The following PTCHD4 variants were observed in gnomAD, a reference collection of about 807,000 sequenced individuals.
PTCHD4 encodes the protein patched domain containing 4.
PTCHD4 carries 33 observed loss-of-function variants against 58.1 expected under a neutral mutation model. The observed-to-expected ratio is 0.57, with a 90% CI of 0.43 to 0.76. The LOEUF is 0.76. Among genes scored for constraint, PTCHD4 ranks in the 30% least tolerant of loss-of-function variants. PTCHD4 has a pLI of 0.00. For synonymous variants in PTCHD4, 478 were observed against 409.6 expected, an observed-to-expected ratio of 1.17 and a Z score of -2.02; for missense variants, 1,058 against 1,027.1, an observed-to-expected ratio of 1.03 and a Z score of -0.41.
chr6:47,962,402 G>T (rs374449909), intron 4 of PTCHD4, among the ~76,000 whole-genome samples: 14 of 152,220 alleles, frequency 9.2e-5, no homozygotes, highest in East Asian at 5.8e-4. Flanking sequence ...ATATGGTTTG[G>T]TTTTGTGTCC....
chr6:48,097,632 T>C (rs1765501848), intron 1 of PTCHD4, among the ~76,000 whole-genome samples: 1 of 152,182 alleles, frequency 6.6e-6, no homozygotes, highest in South Asian at 2.1e-4. Context: ...CACTGACCAA[T>C]TACTCTATGT....
chr6:47,905,131 G>A (rs1764837595), intron 4 of PTCHD4, among the ~76,000 whole-genome samples: 1 of 151,274 alleles, frequency 6.6e-6, no homozygotes, highest in Non-Finnish European at 1.5e-5. Flanking sequence ...AACAGTCATA[G>A]AACGTGGCTG....
rs113753538 is a variant in PTCHD4, at chr6:47,986,905, C to T, written c.898+21729G>A. ...GGGGAAATACCTGCTTGATATCACA[C>T]GCAACAGTGGTGTGTTGCAGCGTCA... On this transcript the variant is annotated intron_variant, in intron 4 of 4. Transcript: ENST00000339488. 7.4e-3 allele frequency among the ~76,000 whole-genome samples: 1,133 copies of T among 152,232 alleles called. 13 individuals carry two copies. Among genetic ancestry groups the T allele is most frequent in the African/African-American group, 0.026 (1,065 of 41,550 alleles).
intron 4 of PTCHD4, among the ~76,000 whole-genome samples, chr6:47,951,649 T>C (rs1766657833): frequency 6.6e-6 from 1 of 152,148 alleles, no homozygotes. Flanking sequence ...TTGTTTTGGT[T>C]CCTAAATAAC....
chr6:47,904,048 C>T (rs1449871607), intron 4 of PTCHD4, among the ~76,000 whole-genome samples: 5 of 152,094 alleles, frequency 3.3e-5, no homozygotes, highest in Non-Finnish European at 5.9e-5. Context: ...TGGCCCAAAG[C>T]CCGGGTGGCT....
At chr6:47,978,120 AT>A (rs958526056) in intron 4 of PTCHD4, among the ~76,000 whole-genome samples, 1 of 151,502 alleles carries the variant, frequency 6.6e-6, no homozygotes, top group African/African-American at 2.4e-5. Context: ...CCTTCTCATT[AT>A]TTTTCTTCTC....
intron 3 of PTCHD4, among the ~76,000 whole-genome samples, chr6:48,045,644 C>T (rs1764008332): frequency 6.6e-6 from 1 of 151,736 alleles, no homozygotes; most frequent in Non-Finnish European, 1.5e-5. Flanking sequence ...AGGATATTTC[C>T]TGTAATTATC....
rs191921895 is a variant in PTCHD4 at position 47,976,296 on chromosome 6, A to G, written c.898+32338T>C. Among the ~76,000 whole-genome samples, 147 of 152,294 alleles carry G rather than the reference A, an allele frequency of 9.7e-4. No individual in the cohort carries two copies. In the Middle Eastern group the frequency reaches 0.01, roughly 11 times the overall value. ...TCTCATAGGGGGAATAAATTATCCT[A>G]TCTGCTGAAAGTCTGCTAAAATCTC... On this transcript the variant is annotated intron_variant, in intron 4 of 4. Transcript: ENST00000339488.
At chr6:48,057,209 T>C (rs1258149996) in intron 3 of PTCHD4, among the ~76,000 whole-genome samples, 1 of 151,910 alleles carries the variant, frequency 6.6e-6, no homozygotes, top group Non-Finnish European at 1.5e-5. Flanking sequence ...GTTTTTTTTT[T>C]CTGAGCCCAA....
intron 3 of PTCHD4, among the ~76,000 whole-genome samples, chr6:48,030,472 T>C (rs1302559534): frequency 2.0e-5 from 3 of 152,112 alleles, no homozygotes; most frequent in African/African-American, 7.2e-5. Context: ...CTTCCTGACT[T>C]AGCACCACTA....
Position 48,068,488 on chromosome 6 carries a change from G to T in PTCHD4, c.159C>A (p.Phe53Leu). 6.2e-7 allele frequency: 1 copy of T among 1,613,470 alleles called. No homozygotes were observed. The highest frequency in any genetic ancestry group is 8.5e-7 in the Non-Finnish European group (1 of 1,179,826). ...GGAAGCGGTTGAGCGCGCTGAGGCC[G>T]AAGGTGATTGTCAGGACTGCGGGCA... ...LTVPAVLTIT[F>L]GLSALNRFQP... is the part of the protein sequence containing the mutation. The change falls in exon 3 of 5, where the codon TTC becomes TTA. Residue 53 changes from phenylalanine to leucine, a missense_variant. Phe to Leu is a conservative substitution (Grantham distance 22, BLOSUM62 0). Transcript: ENST00000339488. This position sits in a 1 kb window ranked among gnomAD's most constrained non-coding sequence, Gnocchi z 4.2.
intron 3 of PTCHD4, among the ~76,000 whole-genome samples, chr6:48,060,115 C>G (rs990418165): frequency 1.3e-5 from 2 of 152,204 alleles, no homozygotes; most frequent in African/African-American, 4.8e-5. Context: ...CACTGAATCT[C>G]CAGTGGCCAA....
rs2114080291 is a variant in PTCHD4 at position 47,872,073 on chromosome 6, A to G, written c.*6230T>C. On this transcript the variant is annotated 3_prime_UTR_variant, in exon 5 of 5. Coordinates refer to ENST00000339488, the MANE Select transcript of PTCHD4 (RefSeq NM_001384253.1). ...TCTATCAGTGTTGCTACCAACAACC[A>G]GTGAATTCATCAGATAAAATGATAG... Among the ~76,000 whole-genome samples the G allele has an allele frequency of 6.6e-6, 1 of 151,392 alleles. No homozygotes were observed.
At chr6:47,943,029 C>T (rs1462980153) in intron 4 of PTCHD4, among the ~76,000 whole-genome samples, 1 of 152,120 alleles carries the variant, frequency 6.6e-6, no homozygotes, top group Non-Finnish European at 1.5e-5. Flanking sequence ...GAAACTTGTT[C>T]TAGTTAATTA....
At chr6:47,947,432 A>AT (rs368548104) in intron 4 of PTCHD4, among the ~76,000 whole-genome samples, 1 of 151,452 alleles carries the variant, frequency 6.6e-6, no homozygotes, top group Admixed American at 6.6e-5. Context: ...TTTTGAGGTC[A>AT]TTTTTTTTCT....
Position 48,008,667 on chromosome 6 carries a change from A to C in PTCHD4, c.865T>G (p.Ser289Ala). The change falls in exon 4 of 5, where the codon TCC becomes GCC. Residue 289 changes from serine to alanine, a missense_variant. Transcript: ENST00000339488. ...IFFITDGKYN[S>A]TLLGIPFFAM... ...AAGAACGGGATTCCCAGCAGGGTGG[A>C]GTTGTACTTTCCATCGGTGATGAAG... The C allele has an allele frequency of 6.2e-7, 1 of 1,613,388 alleles. No individual in the cohort carries two copies. Among genetic ancestry groups the C allele is most frequent in the Non-Finnish European group, 8.5e-7 (1 of 1,179,652 alleles).
chr6:47,936,762 TAC>T (rs1240801573), intron 4 of PTCHD4, among the ~76,000 whole-genome samples: 1 of 152,072 alleles, frequency 6.6e-6, no homozygotes, highest in Admixed American at 6.5e-5. Context: ...TACATTCTAA[TAC>T]ACACAAAAAA....
At chr6:48,036,468 T>A (rs1157924008) in intron 3 of PTCHD4, among the ~76,000 whole-genome samples, 8 of 152,186 alleles carry the variant, frequency 5.3e-5, no homozygotes, top group Non-Finnish European at 1.2e-4. Context: ...CTGAGTAGTG[T>A]GATGAAATCT....
chr6:48,092,413 C>T (rs1209507595), intron 1 of PTCHD4, among the ~76,000 whole-genome samples: 3 of 152,102 alleles, frequency 2.0e-5, no homozygotes, highest in East Asian at 1.9e-4. Context: ...GGGGATCCAT[C>T]GGCCAGTATT....
Sources: allele counts gnomAD v4.1 joint callset (sites outside exome capture counted in the v4.1 genomes callset), GRCh38; gene constraint gnomAD v4.1.1; non-coding constraint Gnocchi (gnomAD v3.1); transcripts MANE v1.5; gene names NCBI Gene and HGNC (gene_info 2026-07-23, HGNC 2026-07-21).